The following MACROD2 variants were observed in gnomAD, a reference collection of about 807,000 sequenced individuals.
MACROD2 encodes the protein ADP-ribose glycohydrolase MACROD2.
A neutral mutation model predicts 70.4 loss-of-function variants in MACROD2; 36 were observed. The observed-to-expected ratio is 0.51, with a 90% CI of 0.39 to 0.68. The LOEUF is 0.68. MACROD2 is among the 30% of genes least tolerant of loss of function. The probability of loss-of-function intolerance (pLI) is 0.00; values close to 1 mark genes in which losing one functional copy is unlikely to be tolerated. For missense variants in MACROD2, 496 were observed against 538.4 expected, an observed-to-expected ratio of 0.92 and a Z score of 0.78; for synonymous variants, 172 against 178.8, an observed-to-expected ratio of 0.96 and a Z score of 0.30.
At position 15,448,283 on chromosome 20, in the gene MACROD2, T is replaced by G. The variant is rs75049372; in HGVS notation, c.571+16848T>G. Among the ~76,000 whole-genome samples the G allele has an allele frequency of 9.6e-3, 1,467 of 152,236 alleles. 32 individuals carry two copies. Among genetic ancestry groups the G allele is most frequent in the African/African-American group, 0.033 (1,391 of 41,532 alleles). ...CTGTCCTAGCAGGCATTTTCTCTGC[T>G]GTTTGCATCCTCAGCCTGCAGAACT... On this transcript the variant is annotated intron_variant, in intron 7 of 17. Transcript: ENST00000684519.
chr20:14,023,881 G>A (rs147196602), intron 2 of MACROD2, among the ~76,000 whole-genome samples: 2,920 of 152,178 alleles, frequency 0.019, 38 homozygotes, highest in Non-Finnish European at 0.032. Flanking sequence ...TTGGCTATGC[G>A]GGCTGTTTTT....
At chr20:14,801,987 A>G (rs2072581870) in intron 5 of MACROD2, among the ~76,000 whole-genome samples, 1 of 152,062 alleles carries the variant, frequency 6.6e-6, no homozygotes, top group African/African-American at 2.4e-5. Context: ...GACTTTGAGG[A>G]CTTCAACATA....
At chr20:14,173,263 G>A (rs957945387) in intron 3 of MACROD2, among the ~76,000 whole-genome samples, 6 of 151,924 alleles carry the variant, frequency 3.9e-5, no homozygotes, top group Non-Finnish European at 7.4e-5. Context: ...TTCTTCCTTG[G>A]GACCACCAAT....
At chr20:14,397,064 G>A (rs1488021851) in intron 3 of MACROD2, among the ~76,000 whole-genome samples, 8 of 138,874 alleles carry the variant, frequency 5.8e-5, no homozygotes, top group African/African-American at 1.3e-4. Flanking sequence ...GCGCAATCTC[G>A]GCTCACTGCA....
intron 5 of MACROD2, among the ~76,000 whole-genome samples, chr20:15,189,202 G>A (rs949565631): frequency 3.3e-5 from 5 of 151,294 alleles, no homozygotes; most frequent in Admixed American, 6.6e-5. Context: ...ATCAGGCTGA[G>A]TCCCTGCATG....
intron 4 of MACROD2, among the ~76,000 whole-genome samples, chr20:14,673,266 T>G (rs1320392599): frequency 6.6e-6 from 1 of 152,196 alleles, no homozygotes; most frequent in East Asian, 1.9e-4. Flanking sequence ...GACTCATGGT[T>G]TCATGTGTCC....
chr20:15,945,211 T>A (rs2065805388), intron 12 of MACROD2, among the ~76,000 whole-genome samples: 1 of 152,284 alleles, frequency 6.6e-6, no homozygotes, highest in Admixed American at 6.5e-5. Context: ...GGAGGCTCAA[T>A]TTTTTTAGTC....
Position 14,855,898 on chromosome 20 carries a change from C to T in MACROD2, c.418+170939C>T, listed in dbSNP as rs142710945. Among the ~76,000 whole-genome samples the T allele has an allele frequency of 6.7e-4, 102 of 151,944 alleles. No homozygotes were observed. The East Asian group carries it at 0.018, about 27-fold the overall frequency. ...ATAGTATATAGTTAAATAGAAATAT[C>T]GTATTTCTAAGCAATTACCTTGTAA... On this transcript the variant is annotated intron_variant, in intron 5 of 17. Coordinates refer to ENST00000684519, the MANE Select transcript of MACROD2 (RefSeq NM_001351661.2).
chr20:15,002,699 A>C (rs2075005504), intron 5 of MACROD2, among the ~76,000 whole-genome samples: 1 of 152,168 alleles, frequency 6.6e-6, no homozygotes, highest in Non-Finnish European at 1.5e-5. Flanking sequence ...AAAGCCAAGA[A>C]ACCGCCATGA....
intron 4 of MACROD2, among the ~76,000 whole-genome samples, chr20:14,643,613 T>G (rs1297202302): frequency 6.6e-6 from 1 of 152,216 alleles, no homozygotes; most frequent in Non-Finnish European, 1.5e-5. Flanking sequence ...CCATTCATAA[T>G]GTACTCTTCC....
intron 5 of MACROD2, among the ~76,000 whole-genome samples, chr20:14,878,518 T>C (rs2073575288): frequency 6.6e-6 from 1 of 152,080 alleles, no homozygotes; most frequent in African/African-American, 2.4e-5. Flanking sequence ...AAATGTTATA[T>C]AGAGAAACAT....
At chr20:14,391,804 A>G (rs1207633100) in intron 3 of MACROD2, among the ~76,000 whole-genome samples, 1 of 143,446 alleles carries the variant, frequency 7.0e-6, no homozygotes, top group Admixed American at 7.2e-5. Context: ...AACAATAGAC[A>G]CTGAGGCCTA....
chr20:15,108,525 A>G (rs2075929553), intron 5 of MACROD2, among the ~76,000 whole-genome samples: 1 of 152,014 alleles, frequency 6.6e-6, no homozygotes, highest in African/African-American at 2.4e-5. Context: ...GCCATGCCTC[A>G]TTTCACTGCC....
At chr20:14,183,546 A>T (rs1050709842) in intron 3 of MACROD2, among the ~76,000 whole-genome samples, 1 of 152,178 alleles carries the variant, frequency 6.6e-6, no homozygotes, top group Admixed American at 6.5e-5. Flanking sequence ...GTATATACCC[A>T]GTACTGGGAT....
chr20:15,423,858 A>C (rs2046262103), intron 6 of MACROD2, among the ~76,000 whole-genome samples: 1 of 152,066 alleles, frequency 6.6e-6, no homozygotes, highest in Non-Finnish European at 1.5e-5. Flanking sequence ...AAATTACTAT[A>C]GACTGTGATT....
At chr20:15,492,034 T>TGGGC (rs1439719993) in intron 7 of MACROD2, among the ~76,000 whole-genome samples, 1 of 152,252 alleles carries the variant, frequency 6.6e-6, no homozygotes, top group Non-Finnish European at 1.5e-5. Flanking sequence ...TTTGTGCTCC[T>TGGGC]GGGCGAAGCC....
At chr20:15,355,528 A>G (rs184817792) in intron 6 of MACROD2, among the ~76,000 whole-genome samples, 1 of 152,256 alleles carries the variant, frequency 6.6e-6, no homozygotes, top group Admixed American at 6.5e-5. Context: ...CATAATTTTT[A>G]TTGAGGTTTC....
intron 4 of MACROD2, among the ~76,000 whole-genome samples, chr20:14,597,689 C>A (rs1982232900): frequency 6.6e-6 from 1 of 152,070 alleles, no homozygotes; most frequent in Non-Finnish European, 1.5e-5. Context: ...GCTCAACTTG[C>A]CTTTTACCTC....
chr20:14,720,569 T>TTTTTTTTTTTTTTTTTTTTGTGTGTG (rs531072431), intron 5 of MACROD2, among the ~76,000 whole-genome samples: 1 of 84,090 alleles, frequency 1.2e-5, no homozygotes, highest in African/African-American at 4.7e-5. Context: ...TTTTTTTTTT[T>TTTTTTTTTTTTTTTTTTTTGTGTGTG]TGTGAGGCAG....
Sources: allele counts gnomAD v4.1 joint callset (sites outside exome capture counted in the v4.1 genomes callset), GRCh38; gene constraint gnomAD v4.1.1; transcripts MANE v1.5; gene names NCBI Gene and HGNC (gene_info 2026-07-23, HGNC 2026-07-21).